NEGR1: variants seen among roughly 807,000 people sequenced by gnomAD.
NEGR1 encodes the protein IgLON family member 4.
In NEGR1, 10 loss-of-function variants were observed where a neutral mutation model predicts 40.9. That is an observed-to-expected ratio of 0.24 (90% CI 0.15 to 0.42). The LOEUF (loss-of-function observed/expected upper bound fraction) is 0.42. Ranked by LOEUF, NEGR1 falls within the 10% of genes least tolerant of loss-of-function variation. The probability of loss-of-function intolerance (pLI) is 1.00; values close to 1 mark genes in which losing one functional copy is unlikely to be tolerated. For synonymous variants in NEGR1, 185 were observed against 166.8 expected (o/e 1.11, Z -0.84); for missense variants, 352 against 438.9 (o/e 0.80, Z 1.77).
intron 4 of NEGR1, among the ~76,000 whole-genome samples, chr1:71,634,007 G>T (rs1651060522): frequency 1.3e-5 from 2 of 152,068 alleles, no homozygotes; most frequent in Non-Finnish European, 2.9e-5. Context: ...CACATTCATA[G>T]ATATAGGTTT....
chr1:72,039,557 A>G (rs1646933700), intron 1 of NEGR1, among the ~76,000 whole-genome samples: 1 of 151,990 alleles, frequency 6.6e-6, no homozygotes, highest in African/African-American at 2.4e-5. Context: ...CAAGTGTTGG[A>G]GAGAAAAAAA....
intron 4 of NEGR1, among the ~76,000 whole-genome samples, chr1:71,673,842 A>G (rs12074731): frequency 6.6e-6 from 1 of 152,056 alleles, no homozygotes; most frequent in Non-Finnish European, 1.5e-5. Context: ...AGCTTCTACT[A>G]TGCTCTAAAC....
At chr1:71,871,490 C>T (rs1044835727) in intron 2 of NEGR1, among the ~76,000 whole-genome samples, 7 of 152,226 alleles carry the variant, frequency 4.6e-5, no homozygotes, top group Admixed American at 2.6e-4. Context: ...CATGCGGCAT[C>T]CCAGTTGTGG....
intron 1 of NEGR1, among the ~76,000 whole-genome samples, chr1:71,973,561 G>A (rs182750968): frequency 1.8e-4 from 27 of 152,204 alleles, no homozygotes; most frequent in African/African-American, 6.3e-4. Context: ...GAATGGAAGG[G>A]ACAAAAACAT....
At chr1:71,990,263 C>A (rs981884565) in intron 1 of NEGR1, among the ~76,000 whole-genome samples, 1 of 152,138 alleles carries the variant, frequency 6.6e-6, no homozygotes, top group Admixed American at 6.5e-5. Context: ...CTCCCCAGAA[C>A]GCTTCAAGTT....
At chr1:71,645,712 C>A (rs1272485582) in intron 4 of NEGR1, among the ~76,000 whole-genome samples, 2 of 151,726 alleles carry the variant, frequency 1.3e-5, no homozygotes, top group Non-Finnish European at 3.0e-5. Context: ...GAAGAATATA[C>A]TGGAAGTAAG....
At chr1:71,408,614 A>G (rs1337277376) in intron 6 of NEGR1, 1 of 151,968 alleles carries the variant, frequency 6.6e-6, no homozygotes, top group African/African-American at 2.4e-5. Flanking sequence ...CAGAAATTAA[A>G]TGTTACAGCC....
intron 1 of NEGR1, among the ~76,000 whole-genome samples, chr1:72,143,920 T>TATATATATATATATATATA (rs1557548500): frequency 3.8e-5 from 4 of 105,242 alleles, no homozygotes; most frequent in African/African-American, 2.0e-4. Flanking sequence ...ATATAATATA[T>TATATATATATATATATATA]ATATATATAT....
At chr1:71,956,782 G>C (rs375019315) in intron 1 of NEGR1, among the ~76,000 whole-genome samples, 1 of 152,080 alleles carries the variant, frequency 6.6e-6, no homozygotes, top group East Asian at 1.9e-4. Flanking sequence ...CCAGGATAAA[G>C]AGTTCAAAAA....
chr1:71,504,957 T>A (rs927335454), intron 6 of NEGR1, among the ~76,000 whole-genome samples: 5 of 151,860 alleles, frequency 3.3e-5, no homozygotes, highest in African/African-American at 4.8e-5. Context: ...GGAAAAAAAA[T>A]TAATCCTCTT....
intron 3 of NEGR1, among the ~76,000 whole-genome samples, chr1:71,705,089 A>C (rs534341239): frequency 1.6e-4 from 25 of 152,244 alleles, no homozygotes; most frequent in Admixed American, 4.6e-4. Context: ...ATAAAAATTG[A>C]GATTGAGGAG....
chr1:71,967,713 T>C (rs1354764170), intron 1 of NEGR1, among the ~76,000 whole-genome samples: 1 of 152,188 alleles, frequency 6.6e-6, no homozygotes, highest in Non-Finnish European at 1.5e-5. Flanking sequence ...CTGCCAATTA[T>C]TTATCTTTCA....
chr1:71,500,067 A>G (rs1336035439), intron 6 of NEGR1, among the ~76,000 whole-genome samples: 3 of 152,122 alleles, frequency 2.0e-5, no homozygotes, highest in Non-Finnish European at 4.4e-5. Context: ...CAAATGTAAT[A>G]CCAAAAGCAT....
At chr1:71,602,238 C>CTTTTTT (rs386367303) in intron 5 of NEGR1, among the ~76,000 whole-genome samples, 2 of 64,538 alleles carry the variant, frequency 3.1e-5, no homozygotes, top group Non-Finnish European at 5.4e-5. Context: ...CATGATTATT[C>CTTTTTT]TTTTTTTTTT....
At chr1:71,531,389 G>A (rs1298892198) in intron 6 of NEGR1, among the ~76,000 whole-genome samples, 3 of 151,230 alleles carry the variant, frequency 2.0e-5, no homozygotes, top group African/African-American at 4.8e-5. Flanking sequence ...TAATCTTTAC[G>A]TCAACCCATC....
rs867519288 is a variant in NEGR1 at position 72,248,658 on chromosome 1, G to A, written c.176+33661C>T. On this transcript the variant is annotated intron_variant, in intron 1 of 6. Transcript: ENST00000357731. ...TCTGTTGCCAGGCTGCAGTATAGTG[G>A]TGCAATCTTGGCCCACTGCAACGTC... Among the ~76,000 whole-genome samples, 3 of 149,826 alleles carry A rather than the reference G, an allele frequency of 2.0e-5. No individual in the cohort carries two copies. The South Asian group carries it at 6.3e-4, about 31-fold the overall frequency.
chr1:72,090,722 C>T (rs534165119), intron 1 of NEGR1, among the ~76,000 whole-genome samples: 1 of 151,912 alleles, frequency 6.6e-6, no homozygotes, highest in Non-Finnish European at 1.5e-5. Context: ...AGCACAGTCT[C>T]GGCAGGCGTT....
chr1:71,643,289 G>T (rs1180381864), intron 4 of NEGR1, among the ~76,000 whole-genome samples: 2 of 151,970 alleles, frequency 1.3e-5, no homozygotes, highest in Non-Finnish European at 2.9e-5. Context: ...ACGTATTTGG[G>T]CAGGAGAGAC....
intron 1 of NEGR1, among the ~76,000 whole-genome samples, chr1:72,132,881 A>AT (rs927320733): frequency 2.0e-5 from 3 of 152,000 alleles, no homozygotes; most frequent in African/African-American, 2.4e-5. Flanking sequence ...GAGTTGAATG[A>AT]TTTTTTTTCC....
Sources: gnomAD v4.1 joint callset for allele counts (sites outside exome capture counted in the v4.1 genomes callset) on GRCh38, gnomAD v4.1.1 for gene constraint, MANE v1.5 for transcripts, NCBI Gene and HGNC (gene_info 2026-07-23, HGNC 2026-07-21) for gene names.